ACOXL: variants seen among roughly 807,000 people sequenced by gnomAD.
ACOXL encodes acyl-CoA oxidase like.
ACOXL carries 70 observed loss-of-function variants against 71.9 expected under a neutral mutation model. The observed-to-expected ratio is 0.97, with a 90% CI of 0.80 to 1.19. ACOXL has a LOEUF of 1.19. Ranked by LOEUF, ACOXL falls within the 50% of genes most tolerant of loss-of-function variation. The pLI, the probability that ACOXL is intolerant of heterozygous loss-of-function variation, is 0.00. For missense variants in ACOXL, 703 were observed against 736.3 expected (o/e 0.95, Z 0.52); for synonymous variants, 253 against 281.6 (o/e 0.90, Z 1.02).
At chr2:110,963,164 A>G (rs1376104742) in intron 12 of ACOXL, among the ~76,000 whole-genome samples, 1 of 152,206 alleles carries the variant, frequency 6.6e-6, no homozygotes, top group Admixed American at 6.5e-5. Flanking sequence ...CAGAGTGGCA[A>G]TTTAAGACAT....
chr2:111,071,327 C>T (rs2067331051), intron 16 of ACOXL, among the ~76,000 whole-genome samples: 1 of 152,158 alleles, frequency 6.6e-6, no homozygotes, highest in Admixed American at 6.5e-5. Context: ...GACCTGAGCT[C>T]ACACCTGCTG....
At chr2:110,937,017 T>C (rs1264140931) in intron 12 of ACOXL, among the ~76,000 whole-genome samples, 1 of 152,276 alleles carries the variant, frequency 6.6e-6, no homozygotes, top group East Asian at 1.9e-4. Flanking sequence ...CAGCTAATTT[T>C]TGTACTTTTA....
chr2:110,973,324 C>G (rs2062298594), intron 12 of ACOXL, among the ~76,000 whole-genome samples: 1 of 152,172 alleles, frequency 6.6e-6, no homozygotes. Context: ...ATGTTTATGT[C>G]TTTCCATGAT....
chr2:110,882,288 A>G (rs553351398), intron 10 of ACOXL, among the ~76,000 whole-genome samples: 3 of 152,178 alleles, frequency 2.0e-5, no homozygotes, highest in East Asian at 3.9e-4. Context: ...TATCTGTTCA[A>G]ATCTTTCACC....
chr2:110,877,036 G>C (rs1046629480), intron 10 of ACOXL, among the ~76,000 whole-genome samples: 4 of 152,240 alleles, frequency 2.6e-5, no homozygotes, highest in Non-Finnish European at 4.4e-5. Context: ...GGCTGTGCCT[G>C]GTGGTGGCCC....
rs2070481870 is a variant in ACOXL, at chr2:111,118,189, A to G, written c.*373A>G. On this transcript the variant is annotated 3_prime_UTR_variant, in exon 18 of 18. Transcript: ENST00000439055. ...GCTGTTAGCGGTGACTCACATTCCC[A>G]GTGATTTAGAAAAACTGTGGTGCCG... The G allele has an allele frequency of 3.2e-6, 1 of 309,588 alleles. No homozygotes were observed. Among genetic ancestry groups the G allele is most frequent in the Non-Finnish European group, 5.9e-6 (1 of 168,130 alleles). The allele number at this position is 309,588 out of a possible 1,614,324, so 19.2% of individuals were successfully genotyped here.
At chr2:110,923,316 T>G (rs985391297) in intron 11 of ACOXL, among the ~76,000 whole-genome samples, 1 of 152,182 alleles carries the variant, frequency 6.6e-6, no homozygotes, top group Non-Finnish European at 1.5e-5. Flanking sequence ...ATCTTTTCTT[T>G]TTCTTTTTTT....
chr2:110,953,694 A>G (rs1307700677), intron 12 of ACOXL, among the ~76,000 whole-genome samples: 1 of 152,180 alleles, frequency 6.6e-6, no homozygotes. Flanking sequence ...TTTATGAAAA[A>G]AAAAGAGGCT....
intron 10 of ACOXL, among the ~76,000 whole-genome samples, chr2:110,899,929 G>T (rs572119694): frequency 6.6e-6 from 1 of 152,060 alleles, no homozygotes; most frequent in Non-Finnish European, 1.5e-5. Context: ...CTATGGCAAC[G>T]CATTGTGCTA....
chr2:110,967,786 G>A (rs2061996551), intron 12 of ACOXL: 1 of 687,450 alleles, frequency 1.5e-6, no homozygotes, highest in Non-Finnish European at 2.6e-6. Context: ...GCACTGCTGG[G>A]CCTGCAGGTC....
chr2:111,093,562 C>A, intron 17 of ACOXL: 1 of 1,611,492 alleles, frequency 6.2e-7, no homozygotes, highest in Non-Finnish European at 8.5e-7. Flanking sequence ...GACACAAAAC[C>A]ACTTTAAAAA....
intron 10 of ACOXL, among the ~76,000 whole-genome samples, chr2:110,862,655 C>T (rs545121224): frequency 2.6e-5 from 4 of 152,286 alleles, no homozygotes; most frequent in East Asian, 1.9e-4. Flanking sequence ...GAAGGAAAAA[C>T]GGAGTTTTAA....
chr2:110,740,529 G>A (rs1004360168), intron 1 of ACOXL, among the ~76,000 whole-genome samples: 1 of 152,148 alleles, frequency 6.6e-6, no homozygotes, highest in South Asian at 2.1e-4. Flanking sequence ...AAATATCCCA[G>A]ACATCCTATT....
At chr2:111,027,103 C>T (rs1310495937) in intron 14 of ACOXL, among the ~76,000 whole-genome samples, 1 of 151,822 alleles carries the variant, frequency 6.6e-6, no homozygotes, top group South Asian at 2.1e-4. Context: ...CACCATGTTG[C>T]CCAGGCTGGT....
At chr2:110,916,186 C>T (rs1254340879) in intron 11 of ACOXL, among the ~76,000 whole-genome samples, 1 of 151,554 alleles carries the variant, frequency 6.6e-6, no homozygotes, top group Non-Finnish European at 1.5e-5. Flanking sequence ...ACTGTAAGAT[C>T]TGTGACAATG....
At chr2:110,819,662 C>G (rs964945281) in intron 9 of ACOXL, among the ~76,000 whole-genome samples, 2 of 152,198 alleles carry the variant, frequency 1.3e-5, no homozygotes, top group Admixed American at 1.3e-4. Context: ...AAATCATCCC[C>G]ATTTTTTGAA....
intron 12 of ACOXL, among the ~76,000 whole-genome samples, chr2:110,971,268 A>G (rs1413297894): frequency 6.6e-6 from 1 of 152,256 alleles, no homozygotes; most frequent in Non-Finnish European, 1.5e-5. Flanking sequence ...CTCCTAGAAG[A>G]TATTACTACA....
intron 12 of ACOXL, among the ~76,000 whole-genome samples, chr2:110,945,526 G>T (rs923070956): frequency 6.6e-6 from 1 of 152,110 alleles, no homozygotes; most frequent in Non-Finnish European, 1.5e-5. Context: ...TGTATATGCT[G>T]TAAGGAACGG....
intron 12 of ACOXL, among the ~76,000 whole-genome samples, chr2:110,944,201 C>T (rs1023872108): frequency 8.5e-5 from 13 of 152,054 alleles, no homozygotes; most frequent in Non-Finnish European, 1.6e-4. Context: ...GTAGCTGGCA[C>T]GTACCACCAC....
Sources: allele counts gnomAD v4.1 joint callset (sites outside exome capture counted in the v4.1 genomes callset), GRCh38; gene constraint gnomAD v4.1.1; transcripts MANE v1.5; gene names NCBI Gene and HGNC (gene_info 2026-07-23, HGNC 2026-07-21).